FBXO36: variants seen among roughly 807,000 people sequenced by gnomAD.
The protein encoded by FBXO36 is F-box only protein 36.
In FBXO36, 18 loss-of-function variants were observed where a neutral mutation model predicts 17.0. The observed-to-expected ratio is 1.06, with a 90% CI of 0.73 to 1.57. The LOEUF (loss-of-function observed/expected upper bound fraction) is 1.57, where lower values mean the gene tolerates loss of function less well. Ranked by LOEUF, FBXO36 falls within the 40% of genes most tolerant of loss-of-function variation. FBXO36 has a pLI of 0.00. For synonymous variants in FBXO36, 83 were observed against 85.3 expected (o/e 0.97, Z 0.15); for missense variants, 229 against 221.9 (o/e 1.03, Z -0.20).
intron 1 of FBXO36, chr2:229,932,905 T>G (rs916384439): frequency 3.7e-5 from 12 of 324,634 alleles, no homozygotes; most frequent in African/African-American, 2.2e-4. Context: ...CCATCTCTAA[T>G]AAAAACTAAA....
intron 1 of FBXO36, among the ~76,000 whole-genome samples, chr2:229,962,503 A>ATTTTATTT (rs2077127924): frequency 1.2e-5 from 1 of 82,258 alleles, no homozygotes; most frequent in African/African-American, 5.4e-5. Flanking sequence ...GTTGATTTTT[A>ATTTTATTT]TTTTATTTTA....
intron 1 of FBXO36, among the ~76,000 whole-genome samples, chr2:229,950,123 G>A (rs2077049580): frequency 6.6e-6 from 1 of 151,950 alleles, no homozygotes; most frequent in Non-Finnish European, 1.5e-5. Context: ...GAGACCAGGA[G>A]CTTGCTTTAA....
rs147337116 is a variant in FBXO36, at chr2:229,953,315, G to A, written c.97-22926G>A. Among the ~76,000 whole-genome samples, 35 of 151,982 alleles carry A rather than the reference G, an allele frequency of 2.3e-4. No homozygotes were observed. In the Middle Eastern group the frequency reaches 0.017, roughly 74 times the overall value. On this transcript the variant is annotated intron_variant, in intron 1 of 3. Coordinates refer to ENST00000283946, the MANE Select transcript of FBXO36 (RefSeq NM_174899.5). ...GATTGCGCCATTGCACTCCAGCCTGGGCGACAGAGTGAGACTCTCAAAAAA... is the reference window on the plus strand; with the variant it reads ...GATTGCGCCATTGCACTCCAGCCTGAGCGACAGAGTGAGACTCTCAAAAAA...
At chr2:229,939,991 G>A (rs2076989579) in intron 1 of FBXO36, among the ~76,000 whole-genome samples, 1 of 152,076 alleles carries the variant, frequency 6.6e-6, no homozygotes, top group Admixed American at 6.6e-5. Context: ...AGAGGTGGGA[G>A]GATTGCTTAA....
At chr2:229,947,208 C>CA (rs1332993492) in intron 1 of FBXO36, among the ~76,000 whole-genome samples, 3 of 152,012 alleles carry the variant, frequency 2.0e-5, no homozygotes, top group Non-Finnish European at 4.4e-5. Flanking sequence ...GTATAGAATA[C>CA]AAAAATGGCA....
intron 1 of FBXO36, among the ~76,000 whole-genome samples, chr2:229,953,257 T>C (rs991042172): frequency 6.6e-6 from 1 of 152,040 alleles, no homozygotes; most frequent in African/African-American, 2.4e-5. Context: ...GAGAATTGCT[T>C]GAACCCGGGA....
intron 1 of FBXO36, among the ~76,000 whole-genome samples, chr2:229,970,186 CTT>C (rs2077173630): frequency 6.6e-6 from 1 of 152,086 alleles, no homozygotes; most frequent in African/African-American, 2.4e-5. Context: ...GAAATGCAGA[CTT>C]ATATTCATAC....
At chr2:229,954,234 ATTTTTTTTT>A (rs60093081) in intron 1 of FBXO36, among the ~76,000 whole-genome samples, 14 of 71,406 alleles carry the variant, frequency 2.0e-4, no homozygotes, top group South Asian at 1.9e-3. Context: ...AACCCTTTGG[ATTTTTTTTT>A]TTTTTTTTTT....
At chr2:229,963,287 A>G (rs908158988) in intron 1 of FBXO36, among the ~76,000 whole-genome samples, 3 of 150,030 alleles carry the variant, frequency 2.0e-5, no homozygotes, top group Admixed American at 2.0e-4. Context: ...GATGGTTTAG[A>G]TTTCCTGACC....
chr2:230,004,955 G>A (rs955008168), intron 3 of FBXO36, among the ~76,000 whole-genome samples: 3 of 152,092 alleles, frequency 2.0e-5, no homozygotes, highest in Non-Finnish European at 2.9e-5. Context: ...GCAGTGAGCC[G>A]AGATTGACCC....
At chr2:229,953,830 G>A (rs1016847941) in intron 1 of FBXO36, among the ~76,000 whole-genome samples, 5 of 152,012 alleles carry the variant, frequency 3.3e-5, no homozygotes, top group Non-Finnish European at 4.4e-5. Flanking sequence ...AGTATTGAAA[G>A]CCATTGATTC....
intron 1 of FBXO36, among the ~76,000 whole-genome samples, chr2:229,926,743 A>C (rs536933975): frequency 6.6e-6 from 1 of 152,172 alleles, no homozygotes; most frequent in East Asian, 1.9e-4. Flanking sequence ...AAAACAAAAA[A>C]AAAAATACTG....
intron 1 of FBXO36, among the ~76,000 whole-genome samples, chr2:229,940,781 A>G (rs1361144029): frequency 6.6e-6 from 1 of 152,188 alleles, no homozygotes; most frequent in Non-Finnish European, 1.5e-5. Flanking sequence ...TTCAGAAGGA[A>G]GGAGCATGGC....
At chr2:229,999,940 AAT>A (rs1253491233) in intron 3 of FBXO36, among the ~76,000 whole-genome samples, 4 of 152,048 alleles carry the variant, frequency 2.6e-5, no homozygotes, top group Non-Finnish European at 4.4e-5. Context: ...AGCTCCCCAA[AAT>A]ATATTTTTTA....
intron 2 of FBXO36, among the ~76,000 whole-genome samples, chr2:229,983,207 C>T (rs563378159): frequency 2.2e-4 from 34 of 152,134 alleles, no homozygotes; most frequent in Admixed American, 8.5e-4. Context: ...GAAACCCCGT[C>T]TCTACTAAAA....
At chr2:229,949,138 A>T (rs973644048) in intron 1 of FBXO36, among the ~76,000 whole-genome samples, 5 of 151,982 alleles carry the variant, frequency 3.3e-5, no homozygotes, top group Non-Finnish European at 7.4e-5. Context: ...CAGCCTCAGG[A>T]TGCCTCTTTT....
rs375964305 is a variant in FBXO36, at chr2:229,961,464, C to T, written c.97-14777C>T. On this transcript the variant is annotated intron_variant, in intron 1 of 3. Transcript: ENST00000283946. ...GATCTCGGCTCACTGCAACCTCCGC[C>T]TCCCAGGTTCAAGCGATTCTCCTGC... Among the ~76,000 whole-genome samples the T allele has an allele frequency of 5.7e-3, 867 of 152,240 alleles. 5 individuals carry two copies. The highest frequency in any genetic ancestry group is 0.048 in the Middle Eastern group (14 of 294).
chr2:229,969,476 C>G (rs2077170223), intron 1 of FBXO36, among the ~76,000 whole-genome samples: 1 of 152,002 alleles, frequency 6.6e-6, no homozygotes, highest in South Asian at 2.1e-4. Context: ...ATCACGAGGC[C>G]AGGAGATTGA....
chr2:229,995,794 G>T (rs943487383), intron 2 of FBXO36, among the ~76,000 whole-genome samples: 5 of 151,580 alleles, frequency 3.3e-5, no homozygotes, highest in Non-Finnish European at 5.9e-5. Context: ...GTTTCTCCAT[G>T]TTGGTCAGGC....
Sources: allele counts gnomAD v4.1 joint callset (sites outside exome capture counted in the v4.1 genomes callset), GRCh38; gene constraint gnomAD v4.1.1; transcripts MANE v1.5; gene names NCBI Gene and HGNC (gene_info 2026-07-23, HGNC 2026-07-21).